The following TMX4 variants were observed in gnomAD, a reference collection of about 807,000 sequenced individuals.
TMX4 encodes thioredoxin related transmembrane protein 4.
In TMX4, 23 loss-of-function variants were observed where a neutral mutation model predicts 33.3. The observed-to-expected ratio is 0.69, with a 90% CI of 0.50 to 0.98. The LOEUF (loss-of-function observed/expected upper bound fraction) is 0.98, where lower values mean the gene tolerates loss of function less well. TMX4 is among the 50% of genes least tolerant of loss of function. TMX4 has a pLI of 0.00. For missense variants in TMX4, 399 were observed against 448.9 expected (o/e 0.89, Z 1.01); for synonymous variants, 164 against 161.5 (o/e 1.02, Z -0.12).
Position 8,019,426 on chromosome 20 carries a change from G to T in TMX4, c.176+12C>A. On this transcript the variant is annotated intron_variant, in intron 1 of 7. Coordinates refer to ENST00000246024, the MANE Select transcript of TMX4 (RefSeq NM_021156.4). ...GGACACTGCGGCGTCCGGGGCGGGC[G>T]GGCACACTCACAATTTCAGCATCCA... 6.6e-7 allele frequency: 1 copy of T among 1,513,760 alleles called. No individual in the cohort carries two copies. The highest frequency in any genetic ancestry group is 1.2e-5 in the South Asian group (1 of 81,218). 93.8% of individuals were successfully genotyped at this position (1,513,760 alleles called of 1,614,324 possible).
chr20:7,997,422 C>A (rs1412449399), intron 4 of TMX4, among the ~76,000 whole-genome samples: 1 of 151,162 alleles, frequency 6.6e-6, no homozygotes, highest in Non-Finnish European at 1.5e-5. Flanking sequence ...TCTTTTTTTC[C>A]TTTTTCCTTT....
chr20:7,981,114 A>T lies in TMX4; in HGVS notation c.*1137T>A, dbSNP rs2050603833. 6.6e-6 allele frequency: 1 copy of T among 152,080 alleles called. No individual in the cohort carries two copies. The allele number at this position is 152,080 out of a possible 1,614,324, so 9.4% of individuals were successfully genotyped here. ...CTTACAGTAGATTGAGTATTGAGAG[A>T]TTTACAAAGATATAATTCTTTGGAA... On this transcript the variant is annotated 3_prime_UTR_variant, in exon 8 of 8. Coordinates refer to ENST00000246024, the MANE Select transcript of TMX4 (RefSeq NM_021156.4).
intron 5 of TMX4, among the ~76,000 whole-genome samples, chr20:7,988,534 G>A (rs940925388): frequency 6.6e-6 from 1 of 152,124 alleles, no homozygotes; most frequent in African/African-American, 2.4e-5. Flanking sequence ...AGCTAAAGAC[G>A]CAGCAAGTAG....
chr20:8,015,887 T>G (rs1194185056), intron 1 of TMX4, among the ~76,000 whole-genome samples: 2 of 152,228 alleles, frequency 1.3e-5, no homozygotes, highest in Non-Finnish European at 2.9e-5. Context: ...TTATAAAGAT[T>G]TATATGCTTT....
intron 5 of TMX4, among the ~76,000 whole-genome samples, chr20:7,995,787 T>C (rs77894617): frequency 0.024 from 3,701 of 151,800 alleles, 95 homozygotes; most frequent in East Asian, 0.065. Flanking sequence ...ATGAAAGACT[T>C]CACCACTGAT....
Position 7,983,781 on chromosome 20 carries a change from T to G in TMX4, c.679+13A>C, listed in dbSNP as rs2050618986. 1.2e-6 allele frequency: 2 copies of G among 1,611,778 alleles called. No homozygotes were observed. The highest frequency in any genetic ancestry group is 1.7e-6 in the Non-Finnish European group (2 of 1,178,628). Reference sequence around the variant, plus strand: ...CAAAAACACTCTAGATCACAGGAGCTTATCGTACTTACCAGAACGCTCAGA... The same window carrying G: ...CAAAAACACTCTAGATCACAGGAGCGTATCGTACTTACCAGAACGCTCAGA... On this transcript the variant is annotated intron_variant, in intron 7 of 7. Transcript: ENST00000246024.
chr20:7,982,001 G>A lies in TMX4; in HGVS notation c.*250C>T, dbSNP rs2050608077. 2.2e-6 allele frequency: 1 copy of A among 445,082 alleles called. No homozygotes were observed. The highest frequency in any genetic ancestry group is 2.0e-5 in the African/African-American group (1 of 50,576). The allele number at this position is 445,082 out of a possible 1,614,324, so 27.6% of individuals were successfully genotyped here. Reference sequence around the variant, plus strand: ...GAGACTCTCTGACCCCTAAGTAAATGAACTTGTTCCCATCCCAGTCTCCAA... The same window carrying A: ...GAGACTCTCTGACCCCTAAGTAAATAAACTTGTTCCCATCCCAGTCTCCAA... On this transcript the variant is annotated 3_prime_UTR_variant, in exon 8 of 8. Coordinates refer to ENST00000246024, the MANE Select transcript of TMX4 (RefSeq NM_021156.4).
intron 2 of TMX4, among the ~76,000 whole-genome samples, chr20:8,005,772 G>A (rs530567085): frequency 7.2e-5 from 11 of 152,246 alleles, no homozygotes; most frequent in South Asian, 2.1e-4. Context: ...AAGTCGACCC[G>A]CAGAACAACG....
chr20:8,018,385 AGAGAGAGG>A (rs1394930055), intron 1 of TMX4, among the ~76,000 whole-genome samples: 3 of 53,668 alleles, frequency 5.6e-5, no homozygotes, highest in African/African-American at 1.1e-4. Context: ...GAGGAGAGAG[AGAGAGAGG>A]GAGGGAGGGA....
intron 5 of TMX4, among the ~76,000 whole-genome samples, chr20:7,994,257 T>C (rs745981265): frequency 1.9e-4 from 29 of 152,132 alleles, no homozygotes; most frequent in Non-Finnish European, 3.2e-4. Context: ...TTCTCAATCA[T>C]TAAGAAAAAC....
chr20:7,991,569 T>C (rs2050655065), intron 5 of TMX4, among the ~76,000 whole-genome samples: 1 of 152,190 alleles, frequency 6.6e-6, no homozygotes, highest in Non-Finnish European at 1.5e-5. Context: ...TTTTGGATTT[T>C]GGATTTTTGG....
In TMX4 at chr20:7,999,712, G is replaced by A. The variant is rs751135998; in HGVS notation, c.467+20C>T. Reference sequence around the variant, plus strand: ...CCTCCTGTTTTATTAGTAACACCTTGTCTTAAAAAATTGAGTTACGTTAGA... The same window carrying A: ...CCTCCTGTTTTATTAGTAACACCTTATCTTAAAAAATTGAGTTACGTTAGA... On this transcript the variant is annotated intron_variant, in intron 4 of 7. Coordinates refer to ENST00000246024, the MANE Select transcript of TMX4 (RefSeq NM_021156.4). 4 of 1,606,570 alleles carry A rather than the reference G, an allele frequency of 2.5e-6. No individual in the cohort carries two copies. The highest frequency in any genetic ancestry group is 1.1e-5 in the South Asian group (1 of 89,328).
chr20:7,987,258 A>G, intron 6 of TMX4, 30 bp downstream of exon 6: 1 of 1,405,100 alleles, frequency 7.1e-7, no homozygotes, highest in Non-Finnish European at 9.8e-7. Context: ...TTTGCCTTAA[A>G]GATAGAAAAA....
intron 2 of TMX4, among the ~76,000 whole-genome samples, chr20:8,009,317 CTT>C (rs1771592548): frequency 6.6e-6 from 1 of 152,012 alleles, no homozygotes; most frequent in Non-Finnish European, 1.5e-5. Flanking sequence ...CTTGTGAAAA[CTT>C]ATATCATTCA....
chr20:7,998,653 G>A (rs2050687912), intron 4 of TMX4, among the ~76,000 whole-genome samples: 1 of 152,098 alleles, frequency 6.6e-6, no homozygotes, highest in Admixed American at 6.6e-5. Context: ...GCTTGACCCT[G>A]GTCACCATTC....
Position 7,988,914 on chromosome 20 carries a change from T to C in TMX4, c.514-1525A>G, listed in dbSNP as rs572467287. 2.0e-5 allele frequency among the ~76,000 whole-genome samples: 3 copies of C among 151,802 alleles called. No homozygotes were observed. The East Asian group carries it at 5.8e-4, about 29-fold the overall frequency. ...GGCAAGCGCCTATAATCCTAGCTAC[T>C]CAGGGGATTGAGGCAGGAGAATTGC... On this transcript the variant is annotated intron_variant, in intron 5 of 7. Transcript: ENST00000246024.
chr20:7,997,885 C>A (rs187444089), intron 4 of TMX4, among the ~76,000 whole-genome samples: 1 of 152,192 alleles, frequency 6.6e-6, no homozygotes, highest in Middle Eastern at 3.4e-3. Context: ...ATCATGGGGG[C>A]GGATTCTCAT....
At chr20:7,989,964 G>C (rs2050647064) in intron 5 of TMX4, among the ~76,000 whole-genome samples, 1 of 152,106 alleles carries the variant, frequency 6.6e-6, no homozygotes, top group South Asian at 2.1e-4. Flanking sequence ...AAACTGATGG[G>C]CATGATACCT....
chr20:8,014,647 T>C (rs1025878733), intron 1 of TMX4, among the ~76,000 whole-genome samples: 5 of 152,190 alleles, frequency 3.3e-5, no homozygotes, highest in African/African-American at 1.2e-4. Context: ...AACCAAAGCA[T>C]AGTGAGAAAG....
Sources: allele counts gnomAD v4.1 joint callset (sites outside exome capture counted in the v4.1 genomes callset), GRCh38; gene constraint gnomAD v4.1.1; transcripts MANE v1.5; gene names NCBI Gene and HGNC (gene_info 2026-07-23, HGNC 2026-07-21).